TMEM184B: variants seen among roughly 807,000 people sequenced by gnomAD.
TMEM184B encodes the protein putative MAPK-activating protein FM08.
A neutral mutation model predicts 41.8 loss-of-function variants in TMEM184B; 17 were observed. The ratio of observed to expected loss-of-function variants is 0.41; its 90% CI spans 0.28 to 0.61. TMEM184B has a LOEUF of 0.61. Ranked by LOEUF, TMEM184B falls within the 20% of genes least tolerant of loss-of-function variation. The pLI is 0.34. For synonymous variants in TMEM184B, 240 were observed against 229.5 expected (o/e 1.05, Z -0.41); for missense variants, 393 against 557.8 (o/e 0.70, Z 2.98).
Position 38,244,420 on chromosome 22 carries a change from C to G in TMEM184B, c.358+1515G>C, listed in dbSNP as rs1236027370. 3.9e-5 allele frequency among the ~76,000 whole-genome samples: 6 copies of G among 152,160 alleles called. No homozygotes were observed. In the East Asian group the frequency reaches 1.2e-3, roughly 29 times the overall value. On this transcript the variant is annotated intron_variant, in intron 3 of 8. Coordinates refer to ENST00000361906, the MANE Select transcript of TMEM184B (RefSeq NM_012264.5). ...ACAGGTGTGGGTAGGAGACAGGAAA[C>G]CTCACACTCTGAGAATAGCATGGGT...
intron 1 of TMEM184B, among the ~76,000 whole-genome samples, chr22:38,254,507 G>A (rs56282478): frequency 0.046 from 7,017 of 152,112 alleles, 555 homozygotes; most frequent in African/African-American, 0.16. Context: ...GGCTGAGGCA[G>A]AACAATCGCT....
intron 2 of TMEM184B, among the ~76,000 whole-genome samples, chr22:38,246,312 C>T (rs572186987): frequency 3.2e-4 from 48 of 152,214 alleles, no homozygotes; most frequent in Non-Finnish European, 5.6e-4. Flanking sequence ...GCACAAGGCT[C>T]GTGGAGTGCA....
intron 3 of TMEM184B, among the ~76,000 whole-genome samples, chr22:38,241,942 T>C (rs535195186): frequency 3.4e-3 from 437 of 127,066 alleles, no homozygotes; most frequent in African/African-American, 0.013. Context: ...AGCCCTTCCA[T>C]AGTAGGAAGT....
downstream of TMEM184B, among the ~76,000 whole-genome samples, chr22:38,217,114 G>A (rs1036195615): frequency 6.6e-6 from 1 of 151,600 alleles, no homozygotes; most frequent in Non-Finnish European, 1.5e-5. Flanking sequence ...ATCATTTGAG[G>A]TCAGGAGTTC....
intron 1 of TMEM184B, among the ~76,000 whole-genome samples, chr22:38,260,278 A>C (rs2092351791): frequency 6.6e-6 from 1 of 151,538 alleles, no homozygotes; most frequent in Admixed American, 6.6e-5. Context: ...CTGGTCTCGA[A>C]CTCCTGACCT....
chr22:38,263,421 C>T (rs752909663), intron 1 of TMEM184B, among the ~76,000 whole-genome samples: 2 of 152,124 alleles, frequency 1.3e-5, no homozygotes, highest in East Asian at 1.9e-4. Flanking sequence ...CGAGACACAC[C>T]GCCCAGACCT....
chr22:38,221,546 G>T lies in TMEM184B; in HGVS notation c.1147C>A (p.Leu383Ile). 6.2e-7 allele frequency: 1 copy of T among 1,613,924 alleles called. No individual in the cohort carries two copies. ...CCACTGAGGCTGTGGGAGCGGGAGA[G>T]GCCGTGGGCGCCACCACGCCAGGTG... ...GPTWRGGAHG[L>I]SRSHSLSGAR... The change falls in exon 9 of 9, where the codon CTC (leucine) becomes ATC (isoleucine). Residue 383 changes from leucine to isoleucine, a missense_variant. This residue lies in a region of TMEM184B where 271 missense variants were observed against 434.1 expected (regional missense o/e 0.62). Coordinates refer to ENST00000361906, the MANE Select transcript of TMEM184B (RefSeq NM_012264.5).
chr22:38,254,524 C>G (rs2092240276), intron 1 of TMEM184B, among the ~76,000 whole-genome samples: 1 of 151,978 alleles, frequency 6.6e-6, no homozygotes, highest in African/African-American at 2.4e-5. Flanking sequence ...CGCTTGAACC[C>G]GGGAGGTGGA....
intron 3 of TMEM184B, among the ~76,000 whole-genome samples, chr22:38,237,836 T>C (rs1335784084): frequency 1.3e-5 from 2 of 151,852 alleles, no homozygotes; most frequent in East Asian, 1.9e-4. Context: ...GTTTCGCTCT[T>C]GTTGCCCAGG....
Position 38,246,103 on chromosome 22 carries a change from G to C in TMEM184B, c.193-3C>G. ...TAGCAGCGCAGGTGCATGTAGATCT[G>C]GGGGCAGAGGTGTGGGGTCAGCTGG... On this transcript the variant is annotated splice_polypyrimidine_tract_variant and splice_region_variant and intron_variant, in intron 2 of 8. Transcript: ENST00000361906. 6.2e-7 allele frequency: 1 copy of C among 1,608,036 alleles called. No individual in the cohort carries two copies. The highest frequency in any genetic ancestry group is 8.5e-7 in the Non-Finnish European group (1 of 1,179,654).
chr22:38,225,122 G>A lies in TMEM184B; in HGVS notation c.788-143C>T, dbSNP rs555509329. 2.0e-5 allele frequency: 21 copies of A among 1,026,092 alleles called. No homozygotes were observed. Among genetic ancestry groups the A allele is most frequent in the African/African-American group, 2.0e-4 (12 of 61,220 alleles). The allele number at this position is 1,026,092 out of a possible 1,614,324, so 63.6% of individuals were successfully genotyped here. The stretch of plus-strand genomic sequence containing the variant: ...GCTGCTCCTGCAGGGCAGGGGTAGC[G>A]ACACAAGGCCACAGCCTCCGGAAAC... On this transcript the variant is annotated intron_variant, in intron 7 of 8. Transcript: ENST00000361906. The surrounding 1 kb of genome is among the most constrained non-coding windows in gnomAD (Gnocchi z 4.4).
At position 38,220,489 on chromosome 22, in the gene TMEM184B, C is replaced by T. The variant is rs918999981; in HGVS notation, c.*980G>A. On this transcript the variant is annotated 3_prime_UTR_variant, in exon 9 of 9. Coordinates refer to ENST00000361906, the MANE Select transcript of TMEM184B (RefSeq NM_012264.5). ...CCATTCCCCCCACCTCCCAGCTCCC[C>T]ACTGTGTGGCCACCCCTCCCGGTCT... The T allele has an allele frequency of 5.1e-6, 5 of 985,808 alleles. No homozygotes were observed. Among genetic ancestry groups the T allele is most frequent in the Non-Finnish European group, 1.2e-6 (1 of 830,050 alleles). 61.1% of individuals were successfully genotyped at this position (985,808 alleles called of 1,614,324 possible).
At chr22:38,264,059 C>T (rs981105646) in intron 1 of TMEM184B, among the ~76,000 whole-genome samples, 6 of 152,240 alleles carry the variant, frequency 3.9e-5, no homozygotes, top group African/African-American at 1.4e-4. Context: ...CCCACCTCGG[C>T]CTCCCAAAGT....
At chr22:38,231,610 G>T (rs2091625102) in intron 3 of TMEM184B, 1 of 569,184 alleles carries the variant, frequency 1.8e-6, no homozygotes, top group African/African-American at 1.9e-5. Flanking sequence ...GTGAGTTCAG[G>T]GTTATGTGGG....
chr22:38,233,760 G>A (rs576955816), intron 3 of TMEM184B, among the ~76,000 whole-genome samples: 1 of 151,726 alleles, frequency 6.6e-6, no homozygotes, highest in Admixed American at 6.6e-5. Context: ...TTTTTTTGTT[G>A]TTTTTGTTTT....
At chr22:38,243,560 T>C (rs1439640583) in intron 3 of TMEM184B, among the ~76,000 whole-genome samples, 2 of 152,150 alleles carry the variant, frequency 1.3e-5, no homozygotes, top group African/African-American at 2.4e-5. Context: ...CCAGCCTTTA[T>C]GGTGCCCCAG....
intron 8 of TMEM184B, chr22:38,222,841 G>GGCCTGGTGC (rs2091300746): frequency 5.6e-6 from 2 of 356,996 alleles, no homozygotes; most frequent in Non-Finnish European, 7.8e-6. Flanking sequence ...CACCCAGGAA[G>GGCCTGGTGC]CTCCAGGTGC....
At chr22:38,221,846 A>G (rs2091270218) in intron 8 of TMEM184B, 136 bp from the exon 9 acceptor site, 1 of 1,274,030 alleles carries the variant, frequency 7.8e-7, no homozygotes, top group African/African-American at 1.5e-5. Flanking sequence ...CTTCTGGGAC[A>G]GAGAATGGGG....
intron 5 of TMEM184B, among the ~76,000 whole-genome samples, chr22:38,230,274 G>C (rs1361632577): frequency 2.6e-5 from 4 of 152,266 alleles, no homozygotes; most frequent in East Asian, 1.9e-4. Flanking sequence ...GAGAGACGAA[G>C]AGACGGCAGA....
Sources: allele counts gnomAD v4.1 joint callset (sites outside exome capture counted in the v4.1 genomes callset), GRCh38; gene constraint gnomAD v4.1.1; regional missense constraint gnomAD v4.1.1; non-coding constraint Gnocchi (gnomAD v3.1); transcripts MANE v1.5; gene names NCBI Gene and HGNC (gene_info 2026-07-23, HGNC 2026-07-21).